Variants in SMARCC1 observed in about 807,000 individuals in gnomAD.
SMARCC1 encodes SWI/SNF complex subunit SMARCC1.
In SMARCC1, 43 loss-of-function variants were observed where a neutral mutation model predicts 147.4. The ratio of observed to expected loss-of-function variants is 0.29; its 90% CI spans 0.23 to 0.38. The LOEUF (loss-of-function observed/expected upper bound fraction) is 0.38. SMARCC1 is among the 10% of genes least tolerant of loss of function. The probability of loss-of-function intolerance (pLI) is 1.00; values close to 1 mark genes in which losing one functional copy is unlikely to be tolerated. For synonymous variants in SMARCC1, 495 were observed against 484.4 expected (o/e 1.02, Z -0.29); for missense variants, 1,119 against 1,381.1 (o/e 0.81, Z 3.01).
At chr3:47,610,028 A>G in intron 26 of SMARCC1, 38 bp downstream of exon 26, 1 of 1,607,662 alleles carries the variant, frequency 6.2e-7, no homozygotes, top group South Asian at 1.1e-5. Context: ...CTCTGTAGTG[A>G]CCATAAGCTT....
chr3:47,625,463 G>A (rs1290193614), intron 24 of SMARCC1, among the ~76,000 whole-genome samples: 1 of 152,144 alleles, frequency 6.6e-6, no homozygotes, highest in Non-Finnish European at 1.5e-5. Context: ...TCAAACTCCT[G>A]AGCTCAAATG....
At chr3:47,619,707 TCAATGA>T (rs1306322351) in intron 25 of SMARCC1, among the ~76,000 whole-genome samples, 1 of 152,130 alleles carries the variant, frequency 6.6e-6, no homozygotes, top group African/African-American at 2.4e-5. Context: ...AGACATAAGC[TCAATGA>T]CAGATGTACA....
At chr3:47,728,468 T>A (rs1308640406) in intron 6 of SMARCC1, among the ~76,000 whole-genome samples, 3 of 152,168 alleles carry the variant, frequency 2.0e-5, no homozygotes, top group Non-Finnish European at 4.4e-5. Flanking sequence ...TTGCTTTTAT[T>A]ATTTCCTTTT....
rs771646334 is a variant in SMARCC1, at chr3:47,738,117, A to C, written c.402-7T>G. On this transcript the variant is annotated splice_region_variant and splice_polypyrimidine_tract_variant and intron_variant, in intron 3 of 27. Coordinates refer to ENST00000254480, the MANE Select transcript of SMARCC1 (RefSeq NM_003074.4). ...CTGTAGGTCAAACCTCCGCCTAAAA[A>C]AAAAGAAAAACCCTAGTTAATTTGT... 2 of 1,553,084 alleles carry C rather than the reference A, an allele frequency of 1.3e-6. No homozygotes were observed. The highest frequency in any genetic ancestry group is 1.7e-6 in the Non-Finnish European group (2 of 1,153,196).
At chr3:47,764,086 G>A (rs745903340) in intron 2 of SMARCC1, among the ~76,000 whole-genome samples, 1 of 152,088 alleles carries the variant, frequency 6.6e-6, no homozygotes, top group Non-Finnish European at 1.5e-5. Flanking sequence ...TCAGGCTAGA[G>A]TGCAGCAGTA....
intron 11 of SMARCC1, among the ~76,000 whole-genome samples, chr3:47,698,415 G>A (rs940543854): frequency 6.6e-6 from 1 of 151,984 alleles, no homozygotes; most frequent in African/African-American, 2.4e-5. Flanking sequence ...TTTCTAAACC[G>A]CTATTGAAAA....
At position 47,769,210 on chromosome 3, in the gene SMARCC1, C is replaced by CCAAA. The variant is rs1553692339; in HGVS notation, c.315+3606_315+3607insTTTG. Reference sequence around the variant, plus strand: ...TGGATGACAGAGCGAGACTCCGTCTCAAAAAAAAAAAAAAAAAAAAAAAGG... The same window carrying CCAAA: ...TGGATGACAGAGCGAGACTCCGTCTCCAAAAAAAAAAAAAAAAAAAAAAAAAAGG... On this transcript the variant is annotated intron_variant, in intron 2 of 27. Coordinates refer to ENST00000254480, the MANE Select transcript of SMARCC1 (RefSeq NM_003074.4). 8.8e-4 allele frequency among the ~76,000 whole-genome samples: 29 copies of CCAAA among 33,084 alleles called. 9 individuals are homozygous for CCAAA. Among genetic ancestry groups the CCAAA allele is most frequent in the East Asian group, 1.1e-3 (1 of 888 alleles). The allele number at this position is 33,084 out of a possible 152,430, so 21.7% of individuals were successfully genotyped here.
intron 25 of SMARCC1, among the ~76,000 whole-genome samples, chr3:47,614,935 C>A (rs1031032045): frequency 6.6e-6 from 1 of 152,230 alleles, no homozygotes; most frequent in Admixed American, 6.5e-5. Flanking sequence ...TCCCTTGACT[C>A]ATTTATGCTC....
At chr3:47,757,262 G>GA (rs971148180) in intron 2 of SMARCC1, among the ~76,000 whole-genome samples, 1 of 151,288 alleles carries the variant, frequency 6.6e-6, no homozygotes, top group South Asian at 2.1e-4. Context: ...AAAAAGAAAA[G>GA]AAAAAAAGAG....
intron 2 of SMARCC1, among the ~76,000 whole-genome samples, chr3:47,771,572 T>C (rs1257135656): frequency 2.0e-5 from 3 of 151,686 alleles, no homozygotes; most frequent in African/African-American, 7.3e-5. Flanking sequence ...AAACCCCATA[T>C]CTACTAAAAA....
intron 2 of SMARCC1, among the ~76,000 whole-genome samples, chr3:47,747,730 G>A (rs1197217651): frequency 6.6e-6 from 1 of 152,046 alleles, no homozygotes; most frequent in Admixed American, 6.6e-5. Flanking sequence ...CAGGGAGGAA[G>A]GGAGGACTGC....
rs772667380 is a variant in SMARCC1 at position 47,635,271 on chromosome 3, C to A, written c.2565G>T (p.Lys855Asn). The A allele has an allele frequency of 7.4e-6, 12 of 1,613,258 alleles. No homozygotes were observed. The highest frequency in any genetic ancestry group is 6.7e-5 in the East Asian group (3 of 44,892). The change falls in exon 24 of 28, where the codon AAG becomes AAT. Residue 855 changes from lysine (K) to asparagine (N), a missense_variant. Lys to Asn is a moderately conservative substitution (Grantham distance 94). Transcript: ENST00000254480. ...CKERESDTGKKKVEHEISEGN... is the reference protein window; with the variant it reads ...CKERESDTGKNKVEHEISEGN... ...CTTCGGAAATTTCATGTTCTACTTT[C>A]TTCTTCCCAGTATCACTTTCTCTTT...
At chr3:47,670,172 G>A (rs1260591305) in intron 19 of SMARCC1, among the ~76,000 whole-genome samples, 2 of 152,160 alleles carry the variant, frequency 1.3e-5, no homozygotes, top group African/African-American at 4.8e-5. Context: ...ACTACATGGA[G>A]ACACAGAAAA....
chr3:47,676,590 T>G lies in SMARCC1; in HGVS notation c.1725+39A>C, dbSNP rs768305460. The G allele has an allele frequency of 5.8e-6, 9 of 1,552,368 alleles. No individual in the cohort carries two copies. In the African/African-American group the frequency reaches 8.2e-5, roughly 14 times the overall value. On this transcript the variant is annotated intron_variant, in intron 17 of 27. Transcript: ENST00000254480. ...TAGATATGCTATAAATGGCCATTTG[T>G]TACTATCCAGGTCTGATGAAAAGTC...
chr3:47,744,941 T>C (rs2034549897), intron 3 of SMARCC1, among the ~76,000 whole-genome samples: 1 of 152,172 alleles, frequency 6.6e-6, no homozygotes, highest in East Asian at 1.9e-4. Flanking sequence ...CAAAATGGAA[T>C]ACTCTTGCAG....
At chr3:47,732,998 CTCAGGA>C (rs2034393851) in intron 5 of SMARCC1, among the ~76,000 whole-genome samples, 1 of 151,834 alleles carries the variant, frequency 6.6e-6, no homozygotes, top group Admixed American at 6.6e-5. Flanking sequence ...ATCCCAGCTA[CTCAGGA>C]GGCTGAGTCA....
At chr3:47,716,482 T>C (rs1383450937) in intron 7 of SMARCC1, among the ~76,000 whole-genome samples, 3 of 147,362 alleles carry the variant, frequency 2.0e-5, no homozygotes, top group African/African-American at 2.5e-5. Flanking sequence ...AATTGAAATG[T>C]GGGGAGAAGT....
At chr3:47,652,603 C>A (rs1050262534) in intron 21 of SMARCC1, among the ~76,000 whole-genome samples, 1 of 142,486 alleles carries the variant, frequency 7.0e-6, no homozygotes, top group East Asian at 2.1e-4. Flanking sequence ...CCTCTCCATG[C>A]CTCAGTTTCC....
intron 2 of SMARCC1, among the ~76,000 whole-genome samples, chr3:47,762,422 G>A (rs1576434676): frequency 6.6e-6 from 1 of 152,124 alleles, no homozygotes. Context: ...CCTGCCATGA[G>A]GTCAGTCATA....
Sources: allele counts gnomAD v4.1 joint callset (sites outside exome capture counted in the v4.1 genomes callset), GRCh38; gene constraint gnomAD v4.1.1; transcripts MANE v1.5; gene names NCBI Gene and HGNC (gene_info 2026-07-23, HGNC 2026-07-21).